The following CHODL variants were observed in gnomAD, a reference collection of about 807,000 sequenced individuals.
CHODL encodes the protein chondrolectin, also known as transmembrane protein MT75.
A neutral mutation model predicts 34.5 loss-of-function variants in CHODL; 29 were observed. That is an observed-to-expected ratio of 0.84 (90% CI 0.63 to 1.15). The LOEUF is 1.15. Ranked by LOEUF, CHODL falls within the 50% of genes most tolerant of loss-of-function variation. CHODL has a pLI of 0.00. For missense variants in CHODL, 332 were observed against 332.5 expected, an observed-to-expected ratio of 1.00 and a Z score of 0.01; for synonymous variants, 125 against 116.1, an observed-to-expected ratio of 1.08 and a Z score of -0.49.
At position 17,973,417 on chromosome 21, in the gene CHODL, C is replaced by CTT. The variant is rs3077803; in HGVS notation, c.-144-54438_-144-54437dup. On this transcript the variant is annotated intron_variant, in intron 1 of 6. Transcript: ENST00000400127. ...GCATTTTCTTTTCTTTTCTTTCTTT[C>CTT]TTTTTTTTTTTTTTTTTTGAGACAG... is the stretch of plus-strand genomic sequence containing the variant. Among the ~76,000 whole-genome samples the CTT allele has an allele frequency of 2.5e-3, 313 of 123,452 alleles. 3 individuals are homozygous for CTT. The highest frequency in any genetic ancestry group is 3.7e-3 in the Non-Finnish European group (223 of 60,902). 81.0% of individuals were successfully genotyped at this position (123,452 alleles called of 152,430 possible).
At chr21:18,026,862 A>G (rs1348717466) in intron 1 of CHODL, among the ~76,000 whole-genome samples, 2 of 152,200 alleles carry the variant, frequency 1.3e-5, no homozygotes, top group African/African-American at 2.4e-5. Flanking sequence ...CACAATCTTT[A>G]CTTTTTTTTG....
At chr21:18,114,574 T>A (rs577412529) in intron 2 of CHODL, among the ~76,000 whole-genome samples, 1 of 152,160 alleles carries the variant, frequency 6.6e-6, no homozygotes, top group Non-Finnish European at 1.5e-5. Context: ...TGCCTCAGCC[T>A]CCCGAGTAGC....
At chr21:18,061,102 G>A (rs1009497961) in intron 2 of CHODL, among the ~76,000 whole-genome samples, 3 of 152,160 alleles carry the variant, frequency 2.0e-5, no homozygotes, top group Non-Finnish European at 4.4e-5. Flanking sequence ...TTCATTTTGG[G>A]TACTATAACT....
At chr21:18,223,119 C>T (rs2073899734) in intron 2 of CHODL, among the ~76,000 whole-genome samples, 3 of 152,142 alleles carry the variant, frequency 2.0e-5, no homozygotes, top group East Asian at 1.9e-4. Flanking sequence ...TATGTAATAA[C>T]ATAAGTGGGA....
At chr21:18,126,450 G>A (rs205691) in intron 2 of CHODL, among the ~76,000 whole-genome samples, 1 of 152,128 alleles carries the variant, frequency 6.6e-6, no homozygotes, top group Admixed American at 6.5e-5. Context: ...ACTTTATTAC[G>A]GTTGTCTACA....
intron 2 of CHODL, among the ~76,000 whole-genome samples, chr21:18,137,988 CA>C (rs928798880): frequency 7.5e-4 from 113 of 151,488 alleles, no homozygotes; most frequent in African/African-American, 2.6e-3. Context: ...ATTTAGGGAC[CA>C]AAAAAAACCT....
chr21:18,131,912 G>T (rs951586408), intron 2 of CHODL, among the ~76,000 whole-genome samples: 8 of 151,692 alleles, frequency 5.3e-5, no homozygotes, highest in East Asian at 1.9e-4. Context: ...GTTACATGGG[G>T]TACAACTTAT....
chr21:17,973,363 A>G (rs968494357), intron 1 of CHODL, among the ~76,000 whole-genome samples: 4 of 151,482 alleles, frequency 2.6e-5, no homozygotes, highest in Non-Finnish European at 4.4e-5. Context: ...AAACCTACAG[A>G]GTGGGAGACA....
At chr21:17,976,553 C>G (rs2063664791) in intron 1 of CHODL, among the ~76,000 whole-genome samples, 1 of 152,044 alleles carries the variant, frequency 6.6e-6, no homozygotes, top group Non-Finnish European at 1.5e-5. Flanking sequence ...AATAGTTCAC[C>G]AAATTCAAAA....
chr21:17,951,297 A>G (rs1005839799), intron 1 of CHODL, among the ~76,000 whole-genome samples: 1 of 152,146 alleles, frequency 6.6e-6, no homozygotes, highest in Non-Finnish European at 1.5e-5. Context: ...TAAAATCTGC[A>G]TTGGTATAGG....
chr21:18,213,186 G>A (rs1338888805), intron 2 of CHODL, among the ~76,000 whole-genome samples: 5 of 152,062 alleles, frequency 3.3e-5, no homozygotes, highest in African/African-American at 9.7e-5. Context: ...TTATAATTTA[G>A]TCAGCTTTAC....
chr21:18,219,117 T>C (rs1234401374), intron 2 of CHODL, among the ~76,000 whole-genome samples: 1 of 152,142 alleles, frequency 6.6e-6, no homozygotes. Context: ...GCAGTATCAA[T>C]TTACTGTATT....
Position 18,262,837 on chromosome 21 carries a change from G to T in CHODL, c.681G>T (p.Leu227=). 1 of 1,610,360 alleles carries T rather than the reference G, an allele frequency of 6.2e-7. No individual in the cohort carries two copies. ...LIYVVIPTIP[L]LLLILVAFGT... is the part of the protein sequence containing the mutation. ...ATGTTGTTATACCAACAATACCCCT[G>T]CTCTTACTGATACTGGTTGCTTTTG... The change falls in exon 5 of 6, where the codon CTG becomes CTT. Residue 227 remains leucine, a synonymous_variant. Transcript: ENST00000299295.
intron 2 of CHODL, among the ~76,000 whole-genome samples, chr21:18,073,276 T>C (rs73196684): frequency 6.6e-6 from 1 of 152,220 alleles, no homozygotes; most frequent in Non-Finnish European, 1.5e-5. Context: ...CTGAAAGTAA[T>C]GCCAGGCAAC....
At chr21:18,121,884 T>C (rs577390273) in intron 2 of CHODL, among the ~76,000 whole-genome samples, 1 of 152,312 alleles carries the variant, frequency 6.6e-6, no homozygotes, top group Admixed American at 6.5e-5. Context: ...CACTAGTTAA[T>C]ATTTTTCTTA....
intron 2 of CHODL, 67 bp downstream of exon 2, chr21:18,256,885 T>C (rs914227103): frequency 3.8e-6 from 6 of 1,580,892 alleles, no homozygotes; most frequent in South Asian, 3.5e-5. Context: ...GAGGACTCTG[T>C]TACCTGTAGA....
At chr21:18,024,977 T>C (rs942314012) in intron 1 of CHODL, among the ~76,000 whole-genome samples, 10 of 152,186 alleles carry the variant, frequency 6.6e-5, no homozygotes, top group Admixed American at 1.3e-4. Flanking sequence ...ATCTTGGGAC[T>C]TATACCTGCT....
intron 1 of CHODL, among the ~76,000 whole-genome samples, chr21:17,945,444 A>T (rs2146335680): frequency 6.6e-6 from 1 of 152,344 alleles, no homozygotes; most frequent in East Asian, 1.9e-4. Context: ...TTAGAGATGA[A>T]GAATACAATG....
intron 2 of CHODL, among the ~76,000 whole-genome samples, chr21:18,212,170 T>C (rs1477607332): frequency 6.6e-6 from 1 of 152,148 alleles, no homozygotes; most frequent in African/African-American, 2.4e-5. Context: ...AATATGTTTA[T>C]TGTTGAAAAA....
Sources: gnomAD v4.1 joint callset for allele counts (sites outside exome capture counted in the v4.1 genomes callset) on GRCh38, gnomAD v4.1.1 for gene constraint, MANE v1.5 for transcripts, NCBI Gene and HGNC (gene_info 2026-07-23, HGNC 2026-07-21) for gene names.